Variants in FBXL17 observed in about 807,000 individuals in gnomAD.
The protein encoded by FBXL17 is F-box/LRR-repeat protein 17.
A neutral mutation model predicts 66.2 loss-of-function variants in FBXL17; 22 were observed. That is an observed-to-expected ratio of 0.33 (90% CI 0.24 to 0.47). The LOEUF is 0.47. Ranked by LOEUF, FBXL17 falls within the 20% of genes least tolerant of loss-of-function variation. FBXL17 has a pLI of 1.00. For synonymous variants in FBXL17, 474 were observed against 400.5 expected (o/e 1.18, Z -2.19); for missense variants, 878 against 948.2 (o/e 0.93, Z 0.97).
chr5:107,929,232 G>A (rs922823176), intron 7 of FBXL17, among the ~76,000 whole-genome samples: 1 of 152,128 alleles, frequency 6.6e-6, no homozygotes, highest in African/African-American at 2.4e-5. Flanking sequence ...ATTTCCTTGT[G>A]GGTGGGATGG....
intron 3 of FBXL17, 132 bp downstream of exon 3, chr5:108,364,606 C>T (rs1014552201): frequency 4.4e-6 from 3 of 683,620 alleles, no homozygotes; most frequent in South Asian, 2.1e-5. Flanking sequence ...AACAAATATT[C>T]ATTAATAGGT....
At chr5:107,870,933 A>G (rs1179264090) in intron 8 of FBXL17, among the ~76,000 whole-genome samples, 2 of 152,040 alleles carry the variant, frequency 1.3e-5, no homozygotes, top group Non-Finnish European at 2.9e-5. Flanking sequence ...GACCTGCTAA[A>G]TATGGGAATA....
intron 4 of FBXL17, among the ~76,000 whole-genome samples, chr5:108,278,008 C>G (rs78250059): frequency 1.3e-5 from 2 of 151,858 alleles, no homozygotes; most frequent in Non-Finnish European, 2.9e-5. Context: ...AGAGGGAACA[C>G]GAGTTCAACA....
At chr5:107,898,145 C>T (rs141737785) in intron 7 of FBXL17, among the ~76,000 whole-genome samples, 29 of 152,218 alleles carry the variant, frequency 1.9e-4, no homozygotes, top group Middle Eastern at 3.4e-3. Flanking sequence ...TTACTCAAGA[C>T]GGTTTTGGAC....
Position 108,381,848 on chromosome 5 carries a change from G to C in FBXL17, c.-157C>G, listed in dbSNP as rs1051701033. 12 of 1,298,132 alleles carry C rather than the reference G, an allele frequency of 9.2e-6. No individual in the cohort carries two copies. The highest frequency in any genetic ancestry group is 7.7e-5 in the African/African-American group (5 of 64,642). The allele number at this position is 1,298,132 out of a possible 1,614,324, so 80.4% of individuals were successfully genotyped here. On this transcript the variant is annotated 5_prime_UTR_variant, in exon 1 of 9. Transcript: ENST00000542267. ...CACACGGGCACACACGCGACGGTGG[G>C]GGGTGGGCGTCAGCTGCGGGCCGCC... is the stretch of plus-strand genomic sequence containing the variant.
chr5:108,238,204 T>C (rs1755690881), intron 4 of FBXL17, among the ~76,000 whole-genome samples: 1 of 152,240 alleles, frequency 6.6e-6, no homozygotes, highest in African/African-American at 2.4e-5. Flanking sequence ...TTATAAATCA[T>C]TTCAGTAAGA....
At chr5:108,075,940 A>T in intron 6 of FBXL17, among the ~76,000 whole-genome samples, 1 of 152,274 alleles carries the variant, frequency 6.6e-6, no homozygotes, top group East Asian at 1.9e-4. Context: ...CTTACAAAAC[A>T]AATGAGTATT....
chr5:108,267,899 T>C (rs1053082059), intron 4 of FBXL17, among the ~76,000 whole-genome samples: 1 of 152,088 alleles, frequency 6.6e-6, no homozygotes, highest in Admixed American at 6.6e-5. Context: ...ACGCCTATTT[T>C]GTTTTAAATG....
intron 7 of FBXL17, among the ~76,000 whole-genome samples, chr5:107,941,622 G>A (rs1304607430): frequency 6.6e-6 from 1 of 152,160 alleles, no homozygotes; most frequent in Non-Finnish European, 1.5e-5. Context: ...TCCCCAGAGA[G>A]TTTTAGTTCC....
intron 7 of FBXL17, among the ~76,000 whole-genome samples, chr5:107,964,063 T>C (rs1485171846): frequency 6.6e-6 from 1 of 152,184 alleles, no homozygotes; most frequent in Non-Finnish European, 1.5e-5. Flanking sequence ...AGTTTTTATG[T>C]CAGTGGGAGC....
intron 4 of FBXL17, among the ~76,000 whole-genome samples, chr5:108,333,553 T>C (rs1003727128): frequency 5.9e-5 from 9 of 152,142 alleles, no homozygotes; most frequent in African/African-American, 2.2e-4. Flanking sequence ...ATATCAAAGG[T>C]TGAGACACTG....
At chr5:108,216,059 A>G (rs546088963) in intron 5 of FBXL17, among the ~76,000 whole-genome samples, 3 of 152,350 alleles carry the variant, frequency 2.0e-5, no homozygotes, top group Admixed American at 2.0e-4. Context: ...TTACGTGTCT[A>G]TCCTTACATC....
chr5:107,999,493 C>T (rs1475019975), intron 7 of FBXL17, among the ~76,000 whole-genome samples: 5 of 149,382 alleles, frequency 3.3e-5, no homozygotes, highest in Non-Finnish European at 5.9e-5. Flanking sequence ...ACCACACACA[C>T]ACATACAAAT....
At chr5:108,260,392 G>T (rs1443503237) in intron 4 of FBXL17, among the ~76,000 whole-genome samples, 1 of 152,022 alleles carries the variant, frequency 6.6e-6, no homozygotes, top group African/African-American at 2.4e-5. Context: ...TTACCACACA[G>T]GGTAGCTATA....
intron 6 of FBXL17, among the ~76,000 whole-genome samples, chr5:108,184,346 A>T (rs1385783567): frequency 6.6e-6 from 1 of 151,908 alleles, no homozygotes; most frequent in East Asian, 1.9e-4. Context: ...TTGCTCTATC[A>T]CCCAGGCTGG....
chr5:108,211,943 C>T (rs1424206709), intron 5 of FBXL17, among the ~76,000 whole-genome samples: 1 of 152,162 alleles, frequency 6.6e-6, no homozygotes, highest in Non-Finnish European at 1.5e-5. Flanking sequence ...GTTTCATTCT[C>T]CCCATCACCT....
chr5:108,169,972 A>C (rs559383368), intron 6 of FBXL17, among the ~76,000 whole-genome samples: 1 of 152,324 alleles, frequency 6.6e-6, no homozygotes, highest in Non-Finnish European at 1.5e-5. Flanking sequence ...ACATTCTAAA[A>C]AATTTATAAT....
At chr5:108,252,610 T>C (rs1221123688) in intron 4 of FBXL17, among the ~76,000 whole-genome samples, 3 of 152,134 alleles carry the variant, frequency 2.0e-5, no homozygotes, top group African/African-American at 7.2e-5. Flanking sequence ...TATCTGTAAG[T>C]TGGCAATGCA....
At chr5:108,202,881 T>C (rs1474387461) in intron 5 of FBXL17, among the ~76,000 whole-genome samples, 1 of 151,974 alleles carries the variant, frequency 6.6e-6, no homozygotes, top group Non-Finnish European at 1.5e-5. Flanking sequence ...ATAGTACGAG[T>C]TTTTTAAATG....
Sources: allele counts gnomAD v4.1 joint callset (sites outside exome capture counted in the v4.1 genomes callset), GRCh38; gene constraint gnomAD v4.1.1; transcripts MANE v1.5; gene names NCBI Gene and HGNC (gene_info 2026-07-23, HGNC 2026-07-21).